The following EDA variants were observed in gnomAD, a reference collection of about 807,000 sequenced individuals.
EDA encodes ectodysplasin-A.
In EDA, 2 loss-of-function variants were observed where a neutral mutation model predicts 23.6. The observed-to-expected ratio is 0.08, with a 90% CI of 0.03 to 0.27. The LOEUF (loss-of-function observed/expected upper bound fraction) is 0.27. Ranked by LOEUF, EDA falls within the 10% of genes least tolerant of loss-of-function variation. The probability of loss-of-function intolerance (pLI) is 1.00; values close to 1 mark genes in which losing one functional copy is unlikely to be tolerated. For synonymous variants in EDA, 131 were observed against 132.0 expected, an observed-to-expected ratio of 0.99 and a Z score of 0.05; for missense variants, 229 against 324.2, an observed-to-expected ratio of 0.71 and a Z score of 2.26.
At chrX:69,799,965 A>G (rs752951166) in intron 1 of EDA, among the ~76,000 whole-genome samples, 2 of 112,373 alleles carry the variant, frequency 1.8e-5, no homozygotes, top group Non-Finnish European at 3.8e-5. Flanking sequence ...TACGGAGTCA[A>G]CCTACGTGTC....
intron 1 of EDA, among the ~76,000 whole-genome samples, chrX:69,642,117 A>AGAG (rs1344531332): frequency 9.0e-6 from 1 of 110,517 alleles, no homozygotes; most frequent in Non-Finnish European, 1.9e-5. Flanking sequence ...AGGAGGAGGA[A>AGAG]GAGGAGGAGG....
At chrX:69,793,716 C>T (rs1448732240) in intron 1 of EDA, among the ~76,000 whole-genome samples, 2 of 109,371 alleles carry the variant, frequency 1.8e-5, no homozygotes, top group African/African-American at 3.3e-5. Context: ...CAGAGCAAAA[C>T]CTTTCTCAGA....
chrX:69,655,818 A>G (rs753851980), intron 1 of EDA, among the ~76,000 whole-genome samples: 1 of 86,903 alleles, frequency 1.2e-5, no homozygotes, highest in African/African-American at 4.8e-5. Context: ...ATGCTGCAAT[A>G]GGTAAGGAGG....
At chrX:69,751,053 C>G (rs1455202248) in intron 1 of EDA, among the ~76,000 whole-genome samples, 1 of 109,507 alleles carries the variant, frequency 9.1e-6, no homozygotes, top group Non-Finnish European at 1.9e-5. Flanking sequence ...TCAATTTTGG[C>G]TTTTGTTGCC....
At chrX:69,743,269 C>G (rs1176387932) in intron 1 of EDA, among the ~76,000 whole-genome samples, 1 of 111,969 alleles carries the variant, frequency 8.9e-6, no homozygotes, top group Non-Finnish European at 1.9e-5. Flanking sequence ...GCTGCTACTA[C>G]TACTACTTCC....
intron 1 of EDA, among the ~76,000 whole-genome samples, chrX:69,754,471 G>A (rs1259572920): frequency 3.6e-5 from 4 of 111,645 alleles, no homozygotes; most frequent in East Asian, 2.8e-4. Context: ...TGAGTAACCC[G>A]ACCTTTCTGT....
At chrX:69,778,324 A>G (rs1215511414) in intron 1 of EDA, among the ~76,000 whole-genome samples, 1 of 111,583 alleles carries the variant, frequency 9.0e-6, no homozygotes, top group Non-Finnish European at 1.9e-5. Context: ...GAAAGGAAGT[A>G]TGGTTTTGCT....
At chrX:69,750,292 G>A (rs1450489111) in intron 1 of EDA, among the ~76,000 whole-genome samples, 1 of 105,342 alleles carries the variant, frequency 9.5e-6, no homozygotes, top group Non-Finnish European at 1.9e-5. Context: ...CTGTCCTCGC[G>A]ATAGTTTGCC....
chrX:69,633,164 C>T (rs924949893), intron 1 of EDA, among the ~76,000 whole-genome samples: 5 of 111,650 alleles, frequency 4.5e-5, no homozygotes, highest in Non-Finnish European at 9.4e-5. Flanking sequence ...TAAAATTTAA[C>T]GGGACACATT....
chrX:69,803,021 A>T (rs2015729701), intron 1 of EDA, among the ~76,000 whole-genome samples: 1 of 111,290 alleles, frequency 9.0e-6, no homozygotes, highest in South Asian at 3.7e-4. Flanking sequence ...AACTTAAGTG[A>T]TCACAGGGAA....
chrX:69,997,442 G>A (rs934014785), intron 2 of EDA, among the ~76,000 whole-genome samples: 3 of 112,139 alleles, frequency 2.7e-5, no homozygotes, highest in Non-Finnish European at 5.6e-5. Context: ...GAGGTGACTT[G>A]GGTGCTGTTA....
At chrX:69,898,150 G>T (rs1260907023) in intron 1 of EDA, among the ~76,000 whole-genome samples, 1 of 111,944 alleles carries the variant, frequency 8.9e-6, no homozygotes, top group Non-Finnish European at 1.9e-5. Flanking sequence ...GTGGAGGGGG[G>T]TTGGCTATAG....
intron 1 of EDA, among the ~76,000 whole-genome samples, chrX:69,863,603 ATATG>A (rs1433650694): frequency 4.3e-5 from 4 of 92,156 alleles, no homozygotes; most frequent in Non-Finnish European, 6.4e-5. Flanking sequence ...ATATGTATAT[ATATG>A]TGTGTATATA....
chrX:69,871,792 G>T (rs937617329), intron 1 of EDA, among the ~76,000 whole-genome samples: 6 of 112,291 alleles, frequency 5.3e-5, no homozygotes, highest in African/African-American at 1.9e-4. Flanking sequence ...TTCTGAGGAA[G>T]AAGAGAAACC....
At chrX:69,857,573 C>T (rs962736263) in intron 1 of EDA, among the ~76,000 whole-genome samples, 1 of 83,197 alleles carries the variant, frequency 1.2e-5, no homozygotes, top group Non-Finnish European at 2.4e-5. Context: ...TGTTTTTTCT[C>T]GTTCTGTGAA....
At chrX:69,813,033 T>C (rs1429297078) in intron 1 of EDA, among the ~76,000 whole-genome samples, 4 of 111,570 alleles carry the variant, frequency 3.6e-5, no homozygotes, top group African/African-American at 1.3e-4. Flanking sequence ...AGACTGCTAA[T>C]ACTATAAAAT....
At chrX:69,952,189 A>G (rs1040687289) in intron 1 of EDA, among the ~76,000 whole-genome samples, 3 of 112,148 alleles carry the variant, frequency 2.7e-5, no homozygotes, top group African/African-American at 9.7e-5. Flanking sequence ...TTTTCTTCTT[A>G]TTTTTATTGA....
At chrX:69,674,862 T>G (rs770594435) in intron 1 of EDA, among the ~76,000 whole-genome samples, 9 of 112,331 alleles carry the variant, frequency 8.0e-5, no homozygotes, top group African/African-American at 2.9e-4. Flanking sequence ...CTCTCTTGGC[T>G]TCATGACATG....
chrX:69,881,268 T>C (rs1357632484), intron 1 of EDA, among the ~76,000 whole-genome samples: 1 of 109,679 alleles, frequency 9.1e-6, no homozygotes, highest in African/African-American at 3.3e-5. Flanking sequence ...CCTAATGCAC[T>C]GTTCTCACTC....
Sources: allele counts gnomAD v4.1 joint callset (sites outside exome capture counted in the v4.1 genomes callset), GRCh38; gene constraint gnomAD v4.1.1; transcripts MANE v1.5; gene names NCBI Gene and HGNC (gene_info 2026-07-23, HGNC 2026-07-21).